Variants in CEP131 observed in about 807,000 individuals in gnomAD.
CEP131 encodes centrosomal protein of 131 kDa.
A neutral mutation model predicts 136.8 loss-of-function variants in CEP131; 99 were observed. The ratio of observed to expected loss-of-function variants is 0.72; its 90% confidence interval spans 0.62 to 0.86. The LOEUF is 0.86. Among genes scored for constraint, CEP131 ranks in the 40% least tolerant of loss-of-function variants. The pLI, the probability that CEP131 is intolerant of heterozygous loss-of-function variation, is 0.00. For missense variants in CEP131, 1,459 were observed against 1,463.0 expected, an observed-to-expected ratio of 1.00 and a Z score of 0.04; for synonymous variants, 646 against 612.7, an observed-to-expected ratio of 1.05 and a Z score of -0.80.
Position 81,199,371 on chromosome 17 carries a change from C to A in CEP131, c.1192+10G>T, listed in dbSNP as rs1421901643. 2.5e-6 allele frequency: 4 copies of A among 1,594,432 alleles called. No individual in the cohort carries two copies. Among genetic ancestry groups the A allele is most frequent in the Non-Finnish European group, 2.6e-6 (3 of 1,173,720 alleles). On this transcript the variant is annotated intron_variant, in intron 10 of 25. Transcript: ENST00000450824. ...CCCCCAGAGCAGGGCGGGCGTGGAG[C>A]CACTCTCACCAGTATTGTTGGCCTT...
Position 81,208,277 on chromosome 17 carries a change from G to A in CEP131, c.272+651C>T, listed in dbSNP as rs1038627160. Among the ~76,000 whole-genome samples the A allele has an allele frequency of 1.3e-5, 2 of 152,164 alleles. No individual in the cohort carries two copies. The highest frequency in any genetic ancestry group is 6.5e-5 in the Admixed American group (1 of 15,280). ...TGGTCTTCCCAGGAAGGGTCCACCCGGGGCCCTTGGTGACCCAGAACTCAG... is the reference window on the plus strand; with the variant it reads ...TGGTCTTCCCAGGAAGGGTCCACCCAGGGCCCTTGGTGACCCAGAACTCAG... On this transcript the variant is annotated intron_variant, in intron 3 of 25. Transcript: ENST00000450824. The surrounding 1 kb of genome is among the most constrained non-coding windows in gnomAD (Gnocchi z 5.6).
intron 5 of CEP131, among the ~76,000 whole-genome samples, 194 bp downstream of exon 5, chr17:81,206,550 C>CCCCTTATGTGCACGG (rs1389174412): frequency 2.0e-5 from 3 of 152,256 alleles, no homozygotes; most frequent in African/African-American, 7.2e-5. Context: ...GGGCCGAGAG[C>CCCCTTATGTGCACGG]CCCTTATGTG....
chr17:81,209,211 AG>A (rs1429404440), intron 2 of CEP131, among the ~76,000 whole-genome samples, 189 bp from the exon 3 acceptor site: 2 of 152,092 alleles, frequency 1.3e-5, no homozygotes, highest in East Asian at 3.9e-4. Flanking sequence ...GGGCAGCGCG[AG>A]GGGGGCTCAG....
intron 7 of CEP131, among the ~76,000 whole-genome samples, chr17:81,201,338 T>C (rs2061886270): frequency 6.6e-6 from 1 of 152,024 alleles, no homozygotes; most frequent in South Asian, 2.1e-4. Flanking sequence ...GCTCCGAAAG[T>C]CCAGGCAGGG....
intron 19 of CEP131, 50 bp downstream of exon 19, chr17:81,192,679 GGAGGGGT>G: frequency 9.5e-7 from 1 of 1,048,306 alleles, no homozygotes. Context: ...GGGGCGGGGG[GGAGGGGT>G]CAGCCAGCGA....
intron 2 of CEP131, among the ~76,000 whole-genome samples, chr17:81,217,355 G>A (rs1283362451): frequency 1.3e-5 from 2 of 151,678 alleles, no homozygotes; most frequent in African/African-American, 4.9e-5. Flanking sequence ...GAAACCCCAG[G>A]CCAATGGCCA....
In CEP131 at chr17:81,198,248, G is replaced by A. The variant is rs149450146; in HGVS notation, c.1337C>T (p.Pro446Leu). ...CCTGGACTTGGCGCTCCCCCTGCTC[G>A]GGGCCATCATCTCCAGGTTGTCCCC... ...AAGDNLEMMAPSRGSAKSRGP... is the reference protein window; with the variant it reads ...AAGDNLEMMALSRGSAKSRGP... Residue 446 changes from proline to leucine, a missense_variant, in exon 12 of 26, where the codon CCG becomes CTG. Pro to Leu is a moderately conservative substitution (Grantham distance 98). Coordinates refer to ENST00000450824, the MANE Select transcript of CEP131 (RefSeq NM_014984.4). 7.4e-5 allele frequency: 118 copies of A among 1,603,664 alleles called. No individual in the cohort carries two copies. In the African/African-American group the frequency reaches 7.6e-4, roughly 10 times the overall value.
Position 81,200,314 on chromosome 17 carries a change from G to A in CEP131, c.906+15C>T. 2 of 1,593,820 alleles carry A rather than the reference G, an allele frequency of 1.3e-6. No homozygotes were observed. Among genetic ancestry groups the A allele is most frequent in the South Asian group, 2.3e-5 (2 of 88,862 alleles). On this transcript the variant is annotated intron_variant, in intron 8 of 25. Transcript: ENST00000450824. Reference sequence around the variant, plus strand: ...CCCCGGGGGAGCATGGAGTGACTGAGACGCCCACACTGACCTCCCGCTTGG... The same window carrying A: ...CCCCGGGGGAGCATGGAGTGACTGAAACGCCCACACTGACCTCCCGCTTGG...
intron 3 of CEP131, among the ~76,000 whole-genome samples, chr17:81,207,913 CACATAA>C (rs2062043241): frequency 6.6e-6 from 1 of 150,584 alleles, no homozygotes; most frequent in Non-Finnish European, 1.5e-5. Context: ...CCACACACAC[CACATAA>C]CACACACACC....
intron 13 of CEP131, among the ~76,000 whole-genome samples, 181 bp from the exon 14 acceptor site, chr17:81,197,236 A>T (rs74006011): frequency 2.0e-5 from 3 of 152,144 alleles, no homozygotes; most frequent in Admixed American, 6.5e-5. Context: ...ATTGCTCAGT[A>T]CAGGAAATGG....
At chr17:81,214,873 C>A (rs1033318864) in intron 2 of CEP131, among the ~76,000 whole-genome samples, 1 of 151,760 alleles carries the variant, frequency 6.6e-6, no homozygotes, top group African/African-American at 2.4e-5. Context: ...CCTGGGTTCA[C>A]GCCATTCTCC....
chr17:81,191,328 C>T lies in CEP131; in HGVS notation c.2630G>A (p.Trp877Ter), dbSNP rs1190879183. The change falls in exon 22 of 26, where the codon TGG becomes TAG. Residue 877 changes from tryptophan (W) to a stop codon, truncating the protein, a stop_gained. Transcript: ENST00000450824. LOFTEE classifies it high-confidence loss of function. ...EAGRTRKEEA[W>*]LLNREQELRE... is the part of the protein sequence containing the mutation. Reference sequence around the variant, plus strand: ...CAGCTCCTGTTCCCGGTTCAGCAGCCACGCCTCCTGGGGGGACATGCGCTG... The same window carrying T: ...CAGCTCCTGTTCCCGGTTCAGCAGCTACGCCTCCTGGGGGGACATGCGCTG... 6.2e-7 allele frequency: 1 copy of T among 1,612,952 alleles called. No individual in the cohort carries two copies. The highest frequency in any genetic ancestry group is 1.3e-5 in the African/African-American group (1 of 74,930).
At chr17:81,199,085 G>T in intron 10 of CEP131, 114 bp from the exon 11 acceptor site, 1 of 1,074,260 alleles carries the variant, frequency 9.3e-7, no homozygotes, top group Non-Finnish European at 1.3e-6. Context: ...GACCCCAGAA[G>T]CAGAGGAGCC....
intron 18 of CEP131, among the ~76,000 whole-genome samples, chr17:81,193,097 G>A (rs2061679509): frequency 6.6e-6 from 1 of 152,238 alleles, no homozygotes; most frequent in African/African-American, 2.4e-5. Context: ...TTTGGGAAGT[G>A]GCTGTGGAGC....
At chr17:81,190,048 G>C in intron 24 of CEP131, 73 bp from the exon 25 acceptor site, 1 of 1,389,328 alleles carries the variant, frequency 7.2e-7, no homozygotes, top group South Asian at 1.4e-5. Flanking sequence ...AGTGCACAGG[G>C]TGCACGGGGC....
rs139953724 is a variant in CEP131 at position 81,206,758 on chromosome 17, G to A, written c.501C>T (p.Phe167=). The change falls in exon 5 of 26, where the codon TTC becomes TTT. Residue 167 remains phenylalanine, a synonymous_variant. Coordinates refer to ENST00000450824, the MANE Select transcript of CEP131 (RefSeq NM_014984.4). ...KECTVALAPN[F]TANNRSNKGA... is the part of the protein sequence containing the mutation. The stretch of plus-strand genomic sequence containing the variant: ...ACAGGTCGTACCTGTTGTTAGCAGT[G>A]AAGTTGGGGGCCAGGGCCACGGTGC... 1 of 1,613,842 alleles carries A rather than the reference G, an allele frequency of 6.2e-7. No homozygotes were observed. Among genetic ancestry groups the A allele is most frequent in the Non-Finnish European group, 8.5e-7 (1 of 1,179,850 alleles).
chr17:81,208,111 C>G lies in CEP131; in HGVS notation c.272+817G>C, dbSNP rs1304563821. On this transcript the variant is annotated intron_variant, in intron 3 of 25. Coordinates refer to ENST00000450824, the MANE Select transcript of CEP131 (RefSeq NM_014984.4). The surrounding 1 kb of genome is among the most constrained non-coding windows in gnomAD (Gnocchi z 5.6). ...CACACACACACACTTATGCCACACA[C>G]CCACACACCACACACATACCACACA... Among the ~76,000 whole-genome samples, 1 of 148,704 alleles carries G rather than the reference C, an allele frequency of 6.7e-6. No homozygotes were observed. The highest frequency in any genetic ancestry group is 1.5e-5 in the Non-Finnish European group (1 of 67,052).
Position 81,198,945 on chromosome 17 carries a change from CG to C in CEP131, c.1218del (p.Gly407GlufsTer37). 2 of 1,584,762 alleles carry C rather than the reference CG, an allele frequency of 1.3e-6. No individual in the cohort carries two copies. The highest frequency in any genetic ancestry group is 1.8e-5 in the Admixed American group (1 of 55,534). The part of the protein sequence containing the change: ...NTGGGLPAAG[P>X]GDRCLPTSDS... Reference sequence around the variant, plus strand: ...TCGGAGGTGGGCAGGCAGCGGTCTCCGGGGCCTGCAGCAGGGAGGCCACCAC... The same window carrying C: ...TCGGAGGTGGGCAGGCAGCGGTCTCCGGGCCTGCAGCAGGGAGGCCACCAC... On this transcript the variant is annotated frameshift_variant, in exon 11 of 26. Coordinates refer to ENST00000450824, the MANE Select transcript of CEP131 (RefSeq NM_014984.4). LOFTEE classifies it high-confidence loss of function.
chr17:81,197,963 C>T, intron 12 of CEP131, 75 bp from the exon 13 acceptor site: 1 of 1,553,318 alleles, frequency 6.4e-7, no homozygotes, highest in South Asian at 1.2e-5. Context: ...GCAGAGGTGG[C>T]AGCTGAGGCT....
Sources: allele counts gnomAD v4.1 joint callset (sites outside exome capture counted in the v4.1 genomes callset), GRCh38; gene constraint gnomAD v4.1.1; non-coding constraint Gnocchi (gnomAD v3.1); transcripts MANE v1.5; gene names NCBI Gene and HGNC (gene_info 2026-07-23, HGNC 2026-07-21).